The following SGPL1 variants were observed in gnomAD, a reference collection of about 807,000 sequenced individuals.
SGPL1 encodes sphingosine-1-phosphate lyase 1, also known as SP-lyase 1.
In SGPL1, 37 loss-of-function variants were observed where a neutral mutation model predicts 68.9. The ratio of observed to expected loss-of-function variants is 0.54; its 90% CI spans 0.41 to 0.71. SGPL1 has a LOEUF of 0.71. SGPL1 is among the 30% of genes least tolerant of loss of function. SGPL1 has a pLI of 0.00. For missense variants in SGPL1, 551 were observed against 704.6 expected (o/e 0.78, Z 2.47); for synonymous variants, 236 against 248.5 (o/e 0.95, Z 0.47).
chr10:70,869,710 C>T (rs1213408763), intron 8 of SGPL1, 82 bp from the exon 9 acceptor site: 21 of 994,946 alleles, frequency 2.1e-5, no homozygotes, highest in Non-Finnish European at 3.2e-5. Context: ...GAACTTACTC[C>T]CGGTAATTTA....
chr10:70,840,442 G>A (rs1475732995), intron 2 of SGPL1, among the ~76,000 whole-genome samples: 1 of 152,056 alleles, frequency 6.6e-6, no homozygotes, highest in African/African-American at 2.4e-5. Flanking sequence ...TCATCCTTTA[G>A]TCCAAGGAGA....
At chr10:70,866,395 A>C (rs1406239409) in intron 7 of SGPL1, 1 of 152,190 alleles carries the variant, frequency 6.6e-6, no homozygotes, top group Non-Finnish European at 1.5e-5. Flanking sequence ...TCAAAAAAAA[A>C]CAAAAAAGAA....
chr10:70,817,820 A>G (rs979917312), intron 2 of SGPL1, among the ~76,000 whole-genome samples: 4 of 152,214 alleles, frequency 2.6e-5, no homozygotes, highest in Non-Finnish European at 5.9e-5. Flanking sequence ...TGAATATAGT[A>G]TGTGCTTAAC....
At chr10:70,851,579 G>A (rs1845882361) in intron 4 of SGPL1, among the ~76,000 whole-genome samples, 1 of 152,172 alleles carries the variant, frequency 6.6e-6, no homozygotes. Flanking sequence ...AGCCTGTTAA[G>A]GAAGTAAGAA....
At chr10:70,816,476 C>T (rs1845231715) in intron 1 of SGPL1, among the ~76,000 whole-genome samples, 1 of 152,118 alleles carries the variant, frequency 6.6e-6, no homozygotes, top group Non-Finnish European at 1.5e-5. Context: ...ACCCTGGTAG[C>T]CTCGGCACCT....
intron 2 of SGPL1, among the ~76,000 whole-genome samples, chr10:70,832,979 A>C (rs1176034402): frequency 4.6e-5 from 7 of 152,226 alleles, no homozygotes; most frequent in African/African-American, 1.7e-4. Flanking sequence ...TACTTAACAG[A>C]ATCAGCATCT....
chr10:70,873,296 G>A (rs1846324843), intron 11 of SGPL1, 55 bp from the exon 12 acceptor site: 1 of 1,272,160 alleles, frequency 7.9e-7, no homozygotes, highest in Non-Finnish European at 1.1e-6. Context: ...TCTGGGACAA[G>A]GTCTGCCAGA....
At chr10:70,828,702 C>A (rs960364164) in intron 2 of SGPL1, among the ~76,000 whole-genome samples, 4 of 152,198 alleles carry the variant, frequency 2.6e-5, no homozygotes, top group Non-Finnish European at 5.9e-5. Context: ...AGGTTAAAAT[C>A]ATAATCTTCT....
At chr10:70,871,254 A>G in intron 10 of SGPL1, 108 bp downstream of exon 10, 1 of 681,344 alleles carries the variant, frequency 1.5e-6, no homozygotes, top group Non-Finnish European at 2.5e-6. Flanking sequence ...GTTTTTGACC[A>G]CAGTAGTGAT....
chr10:70,854,927 A>C, intron 5 of SGPL1, 72 bp downstream of exon 5: 2 of 1,347,086 alleles, frequency 1.5e-6, no homozygotes, highest in Non-Finnish European at 2.0e-6. Flanking sequence ...TAATGTTCAC[A>C]TAGGTTAAGA....
intron 7 of SGPL1, among the ~76,000 whole-genome samples, chr10:70,860,045 C>T (rs965633007): frequency 6.6e-6 from 1 of 152,174 alleles, no homozygotes; most frequent in Non-Finnish European, 1.5e-5. Flanking sequence ...TTGCTGTAAA[C>T]TGAACCTCAT....
At chr10:70,839,346 A>AT (rs10627063) in intron 2 of SGPL1, among the ~76,000 whole-genome samples, 62 of 151,132 alleles carry the variant, frequency 4.1e-4, no homozygotes, top group African/African-American at 7.0e-4. Flanking sequence ...TGGGCAAATA[A>AT]TTTTTTTTTC....
intron 7 of SGPL1, among the ~76,000 whole-genome samples, chr10:70,867,006 C>T (rs1413602397): frequency 1.3e-5 from 2 of 152,178 alleles, no homozygotes; most frequent in Non-Finnish European, 2.9e-5. Context: ...TTCTTATCAA[C>T]AGATGCTAAT....
chr10:70,848,553 C>T (rs1474964328), intron 3 of SGPL1, among the ~76,000 whole-genome samples: 1 of 150,832 alleles, frequency 6.6e-6, no homozygotes, highest in African/African-American at 2.4e-5. Flanking sequence ...CAACCTCCGC[C>T]TCCTGGGTTC....
intron 9 of SGPL1, 133 bp downstream of exon 9, chr10:70,870,030 T>C: frequency 1.6e-6 from 1 of 619,564 alleles, no homozygotes; most frequent in Non-Finnish European, 2.9e-6. Flanking sequence ...AAAAACTGCA[T>C]TGATAGTGGT....
At chr10:70,870,290 G>T (rs1262269759) in intron 9 of SGPL1, among the ~76,000 whole-genome samples, 1 of 152,046 alleles carries the variant, frequency 6.6e-6, no homozygotes, top group Non-Finnish European at 1.5e-5. Flanking sequence ...TTGAACCCTT[G>T]AGCCCAGGAG....
At chr10:70,868,676 T>A (rs1203459952) in intron 8 of SGPL1, among the ~76,000 whole-genome samples, 2 of 150,718 alleles carry the variant, frequency 1.3e-5, no homozygotes, top group Non-Finnish European at 3.0e-5. Flanking sequence ...ATGCATAGTA[T>A]ATACTACAAG....
At chr10:70,871,693 TA>T in intron 10 of SGPL1, 143 bp from the exon 11 acceptor site, 1 of 702,446 alleles carries the variant, frequency 1.4e-6, no homozygotes. Context: ...TTGGGAATGT[TA>T]AAAATAGCCA....
At chr10:70,847,848 A>G (rs911818611) in intron 3 of SGPL1, among the ~76,000 whole-genome samples, 3 of 152,168 alleles carry the variant, frequency 2.0e-5, no homozygotes, top group Admixed American at 6.5e-5. Flanking sequence ...ACACTGCACT[A>G]AAGGAGTCTG....
Sources: allele counts gnomAD v4.1 joint callset (sites outside exome capture counted in the v4.1 genomes callset), GRCh38; gene constraint gnomAD v4.1.1; transcripts MANE v1.5; gene names NCBI Gene and HGNC (gene_info 2026-07-23, HGNC 2026-07-21).